The following CSNK2A1 variants were observed in gnomAD, a reference collection of about 807,000 sequenced individuals.
CSNK2A1 encodes the protein casein kinase II subunit alpha.
In CSNK2A1, 10 loss-of-function variants were observed where a neutral mutation model predicts 62.9. The observed-to-expected ratio is 0.16, with a 90% confidence interval of 0.10 to 0.27. The LOEUF is 0.27. Among genes scored for constraint, CSNK2A1 ranks in the 10% least tolerant of loss-of-function variants. The pLI is 1.00. For missense variants in CSNK2A1, 160 were observed against 492.0 expected, an observed-to-expected ratio of 0.33 and a Z score of 6.38; for synonymous variants, 124 against 167.8, an observed-to-expected ratio of 0.74 and a Z score of 2.02.
rs1030885526 is a variant in CSNK2A1, at chr20:527,924, A to C, written c.-110+9T>G. ...AACCAGGGGAAAAAGGTTTCCTACTATCACTTACCAAAGAGATGTGAAACT... is the reference window on the plus strand; with the variant it reads ...AACCAGGGGAAAAAGGTTTCCTACTCTCACTTACCAAAGAGATGTGAAACT... On this transcript the variant is annotated intron_variant, in intron 2 of 13. Coordinates refer to ENST00000217244, the MANE Select transcript of CSNK2A1 (RefSeq NM_177559.3). 2.0e-5 allele frequency: 3 copies of C among 152,096 alleles called. No homozygotes were observed. The highest frequency in any genetic ancestry group is 3.9e-4 in the East Asian group (2 of 5,192). The allele number at this position is 152,096 out of a possible 1,614,324, so 9.4% of individuals were successfully genotyped here. A position where few individuals can be genotyped will look rare whatever the true frequency, so the allele number is the denominator to read the frequency against.
chr20:499,300 T>C lies in CSNK2A1; in HGVS notation c.321A>G (p.Arg107=). The C allele has an allele frequency of 6.2e-7, 1 of 1,608,484 alleles. No individual in the cohort carries two copies. Among genetic ancestry groups the C allele is most frequent in the Non-Finnish European group, 8.5e-7 (1 of 1,177,380 alleles). The change falls in exon 6 of 14, where the codon CGA becomes CGG. Residue 107 remains arginine, a synonymous_variant. Transcript: ENST00000217244. The surrounding 1 kb of genome is among the most constrained non-coding windows in gnomAD (Gnocchi z 4.2). ...CGTGTTCAAAAACCAAGGCGGGGGT[T>C]CGTGACTAGGGGAAAAGAACAAAAA... ...LADIVKDPVS[R]TPALVFEHVN...
At chr20:538,651 A>G (rs912362854) in intron 1 of CSNK2A1, among the ~76,000 whole-genome samples, 1 of 152,232 alleles carries the variant, frequency 6.6e-6, no homozygotes, top group East Asian at 1.9e-4. Context: ...CAACCTCAAC[A>G]GACAATGACA....
chr20:488,596 T>TA (rs1404886203), intron 11 of CSNK2A1, 82 bp downstream of exon 11: 1 of 1,380,420 alleles, frequency 7.2e-7, no homozygotes, highest in Non-Finnish European at 1.0e-6. Context: ...AAAGAAAACA[T>TA]AACTATTTTG....
At chr20:485,132 ATATATGAGAACATTATTATACATT>A (rs1568496884) in intron 13 of CSNK2A1, among the ~76,000 whole-genome samples, 1 of 101,086 alleles carries the variant, frequency 9.9e-6, no homozygotes, top group East Asian at 3.0e-4. Context: ...ATATATATAT[ATATATGAGAACATTATTATACATT>A]CTTCTCCACT....
chr20:472,741 A>G lies in CSNK2A1; in HGVS notation c.*11220T>C, dbSNP rs1296448884. 2 of 152,254 alleles carry G rather than the reference A, an allele frequency of 1.3e-5. No homozygotes were observed. The allele number at this position is 152,254 out of a possible 1,614,324, so 9.4% of individuals were successfully genotyped here. A position where few individuals can be genotyped will look rare whatever the true frequency, so the allele number is the denominator to read the frequency against. On this transcript the variant is annotated 3_prime_UTR_variant, in exon 14 of 14. Transcript: ENST00000217244. Reference sequence around the variant, plus strand: ...CAAATTTATCTAGGTAAGTTCCTATACAACTCCCCTGTTATCTGCCCTTTG... The same window carrying G: ...CAAATTTATCTAGGTAAGTTCCTATGCAACTCCCCTGTTATCTGCCCTTTG...
chr20:493,586 T>C (rs888095688), intron 8 of CSNK2A1, among the ~76,000 whole-genome samples: 1 of 152,192 alleles, frequency 6.6e-6, no homozygotes, highest in Non-Finnish European at 1.5e-5. Flanking sequence ...ATAACTACAG[T>C]ACAATATCAA....
chr20:499,428 C>T lies in CSNK2A1; in HGVS notation c.316-123G>A, dbSNP rs2018413133. On this transcript the variant is annotated intron_variant, in intron 5 of 13. Coordinates refer to ENST00000217244, the MANE Select transcript of CSNK2A1 (RefSeq NM_177559.3). This position sits in a 1 kb window ranked among gnomAD's most constrained non-coding sequence, Gnocchi z 4.2. ...AGTCCTCGCCTCAGTAGTAAGAAAC[C>T]CTCTATTGCTACAAGCCCTCCCCGC... 1 of 781,030 alleles carries T rather than the reference C, an allele frequency of 1.3e-6. No homozygotes were observed. The highest frequency in any genetic ancestry group is 1.7e-5 in the African/African-American group (1 of 57,224). The allele number at this position is 781,030 out of a possible 1,614,324, so 48.4% of individuals were successfully genotyped here.
intron 2 of CSNK2A1, among the ~76,000 whole-genome samples, chr20:525,836 TAAAA>T (rs397864425): frequency 4.9e-4 from 35 of 71,046 alleles, no homozygotes; most frequent in Admixed American, 8.3e-4. Flanking sequence ...TTAAAACTAT[TAAAA>T]AAAAAAAAAA....
At chr20:518,209 C>T (rs915857506) in intron 2 of CSNK2A1, among the ~76,000 whole-genome samples, 3 of 152,282 alleles carry the variant, frequency 2.0e-5, no homozygotes, top group Non-Finnish European at 2.9e-5. Flanking sequence ...TATAAGCAAG[C>T]AAGGAAGCCT....
At chr20:541,869 C>T (rs796228302) in intron 1 of CSNK2A1, among the ~76,000 whole-genome samples, 10 of 152,292 alleles carry the variant, frequency 6.6e-5, no homozygotes, top group African/African-American at 2.2e-4. Flanking sequence ...CCCGCAATAG[C>T]AAACCAAAGC....
intron 9 of CSNK2A1, among the ~76,000 whole-genome samples, chr20:490,273 C>T (rs1281091447): frequency 4.1e-5 from 6 of 146,850 alleles, no homozygotes; most frequent in Admixed American, 2.7e-4. Flanking sequence ...ATGATCTGCT[C>T]GCCTCAGGTT....
rs1568481143 is a variant in CSNK2A1 at position 473,110 on chromosome 20, C to T, written c.*10851G>A. 6.6e-6 allele frequency: 1 copy of T among 152,544 alleles called. No homozygotes were observed. Among genetic ancestry groups the T allele is most frequent in the Non-Finnish European group, 1.5e-5 (1 of 68,286 alleles). 9.4% of individuals were successfully genotyped at this position (152,544 alleles called of 1,614,324 possible). A position where few individuals can be genotyped will look rare whatever the true frequency, so the allele number is the denominator to read the frequency against. On this transcript the variant is annotated 3_prime_UTR_variant, in exon 14 of 14. Transcript: ENST00000217244. ...CCAGTTCCTCCAATGACACCTTGGA[C>T]TGAGGGTGCAGGCTGGCCTGCCAGA... is the stretch of plus-strand genomic sequence containing the variant.
intron 2 of CSNK2A1, among the ~76,000 whole-genome samples, chr20:520,960 G>T (rs750178831): frequency 4.6e-5 from 7 of 152,042 alleles, no homozygotes; most frequent in Non-Finnish European, 1.0e-4. Flanking sequence ...GGGTGACAAG[G>T]CAAGACTCTA....
intron 1 of CSNK2A1, among the ~76,000 whole-genome samples, chr20:530,655 A>C (rs1156705321): frequency 6.6e-6 from 1 of 151,914 alleles, no homozygotes; most frequent in African/African-American, 2.4e-5. Context: ...CTGCATTTTT[A>C]GTAGAGACAG....
chr20:486,075 C>G (rs1165633352), intron 13 of CSNK2A1, among the ~76,000 whole-genome samples: 1 of 152,180 alleles, frequency 6.6e-6, no homozygotes, highest in Non-Finnish European at 1.5e-5. Flanking sequence ...CATGTAACTA[C>G]TGTCATTTCA....
chr20:510,971 C>G (rs772727201), intron 2 of CSNK2A1, among the ~76,000 whole-genome samples: 4 of 152,102 alleles, frequency 2.6e-5, no homozygotes, highest in Non-Finnish European at 5.9e-5. Context: ...ATGCTCCCAC[C>G]ACAGCCTCCC....
intron 1 of CSNK2A1, among the ~76,000 whole-genome samples, chr20:542,021 T>TA (rs1047899393): frequency 5.9e-5 from 9 of 152,166 alleles, no homozygotes; most frequent in African/African-American, 1.9e-4. Flanking sequence ...CCAAATGACT[T>TA]ACAACAAAAC....
In CSNK2A1 at chr20:524,782, A is replaced by G. The variant is rs555180062; in HGVS notation, c.-110+3151T>C. 2.0e-5 allele frequency among the ~76,000 whole-genome samples: 3 copies of G among 151,854 alleles called. No individual in the cohort carries two copies. The South Asian group carries it at 6.2e-4, about 32-fold the overall frequency. On this transcript the variant is annotated intron_variant, in intron 2 of 13. Transcript: ENST00000217244. ...TATTATATACACGATGTATACATGC[A>G]CTGAAACATCACAATATATCCCATA...
Position 483,629 on chromosome 20 carries a change from G to A in CSNK2A1, c.*332C>T, listed in dbSNP as rs113070354. 77 of 163,770 alleles carry A rather than the reference G, an allele frequency of 4.7e-4. No individual in the cohort carries two copies. The highest frequency in any genetic ancestry group is 1.7e-3 in the African/African-American group (71 of 41,998). 10.1% of individuals were successfully genotyped at this position (163,770 alleles called of 1,614,324 possible). A position where few individuals can be genotyped will look rare whatever the true frequency, so the allele number is the denominator to read the frequency against. On this transcript the variant is annotated 3_prime_UTR_variant, in exon 14 of 14. Transcript: ENST00000217244. ...AAGTCTCCACCTAAATGCAGCAGCC[G>A]GGATTGAGGCTGGTTTATCTTTGTT...
Sources: gnomAD v4.1 joint callset for allele counts (sites outside exome capture counted in the v4.1 genomes callset) on GRCh38, gnomAD v4.1.1 for gene constraint, Gnocchi (gnomAD v3.1) non-coding constraint, MANE v1.5 for transcripts, NCBI Gene and HGNC (gene_info 2026-07-23, HGNC 2026-07-21) for gene names.